LINGO2: variants seen among roughly 807,000 people sequenced by gnomAD.
The protein encoded by LINGO2 is leucine-rich repeat and immunoglobulin-like domain-containing nogo receptor-interacting protein 2.
In LINGO2, 14 loss-of-function variants were observed where a neutral mutation model predicts 30.6. That is an observed-to-expected ratio of 0.46 (90% CI 0.30 to 0.72). The LOEUF (loss-of-function observed/expected upper bound fraction) is 0.72. Ranked by LOEUF, LINGO2 falls within the 30% of genes least tolerant of loss-of-function variation. The probability of loss-of-function intolerance (pLI) is 0.07; values close to 1 mark genes in which losing one functional copy is unlikely to be tolerated. For synonymous variants in LINGO2, 317 were observed against 288.5 expected (o/e 1.10, Z -1.00); for missense variants, 729 against 751.7 (o/e 0.97, Z 0.35).
chr9:28,839,589 T>A, the LINGO2 span, among the ~76,000 whole-genome samples: 2 of 152,088 alleles, frequency 1.3e-5, no homozygotes. Context: ...GGTAGCTCCT[T>A]TCTGCAGGCT....
chr9:28,756,990 T>C, the LINGO2 span, among the ~76,000 whole-genome samples: 1 of 152,012 alleles, frequency 6.6e-6, no homozygotes, highest in Non-Finnish European at 1.5e-5. Flanking sequence ...GTGCAAACAA[T>C]AAAGTAATTT....
the LINGO2 span, among the ~76,000 whole-genome samples, chr9:29,041,370 A>T: frequency 6.6e-6 from 1 of 152,070 alleles, no homozygotes; most frequent in African/African-American, 2.4e-5. Context: ...TAGCCAGAAT[A>T]GCTAAAATAT....
intron 4 of LINGO2, among the ~76,000 whole-genome samples, chr9:28,035,468 C>T (rs1040464969): frequency 2.0e-5 from 3 of 152,118 alleles, no homozygotes; most frequent in African/African-American, 7.2e-5. Flanking sequence ...TTCTGGTATG[C>T]TACAGTATAT....
rs369468358 is a variant in LINGO2 at position 28,313,478 on chromosome 9, T to C, written c.-245-18112A>G. Among the ~76,000 whole-genome samples the C allele has an allele frequency of 1.6e-3, 251 of 152,324 alleles. 1 individual carries two copies. Among genetic ancestry groups the C allele is most frequent in the African/African-American group, 5.8e-3 (243 of 41,588 alleles). On this transcript the variant is annotated intron_variant, in intron 3 of 5. Coordinates refer to ENST00000379992, the Ensembl canonical transcript of LINGO2. ...TACAGGATTCATTAAATTTGGAAAA[T>C]AGTTGACTGTGCCCCTTTTTTAATC... is the stretch of plus-strand genomic sequence containing the variant.
chr9:28,246,562 G>A (rs1410237945), intron 4 of LINGO2, among the ~76,000 whole-genome samples: 1 of 152,138 alleles, frequency 6.6e-6, no homozygotes, highest in South Asian at 2.1e-4. Context: ...GCAGAAAATT[G>A]ACACTGGACC....
chr9:28,076,460 T>C (rs1347995215), intron 4 of LINGO2, among the ~76,000 whole-genome samples: 2 of 149,394 alleles, frequency 1.3e-5, no homozygotes, highest in Non-Finnish European at 3.0e-5. Context: ...AGCTTTTTTA[T>C]ATTTTACCTC....
intron 1 of LINGO2, among the ~76,000 whole-genome samples, chr9:28,622,302 C>G (rs984622681): frequency 7.4e-6 from 1 of 135,556 alleles, no homozygotes; most frequent in Admixed American, 7.5e-5. Flanking sequence ...TCCTAATCCC[C>G]CAATACCCTC....
chr9:28,544,971 G>A lies in LINGO2; in HGVS notation c.-364-68946C>T, dbSNP rs140835591. 9.1e-3 allele frequency among the ~76,000 whole-genome samples: 1,378 copies of A among 151,598 alleles called. 10 individuals are homozygous for A. The highest frequency in any genetic ancestry group is 0.017 in the Middle Eastern group (5 of 288). The stretch of plus-strand genomic sequence containing the variant: ...TATCTATAGATTACTTATTTTGGAA[G>A]AGGTACTATGTTAATTATGTTATAT... On this transcript the variant is annotated intron_variant, in intron 1 of 5. Coordinates refer to ENST00000379992, the Ensembl canonical transcript of LINGO2.
At chr9:29,008,899 A>C in the LINGO2 span, among the ~76,000 whole-genome samples, 1 of 152,194 alleles carries the variant, frequency 6.6e-6, no homozygotes. Context: ...CAATAAACGT[A>C]ATCCAGCATA....
intron 3 of LINGO2, among the ~76,000 whole-genome samples, chr9:28,353,671 A>G (rs908789846): frequency 3.3e-5 from 5 of 152,194 alleles, no homozygotes; most frequent in African/African-American, 1.2e-4. Flanking sequence ...CCAGAGGACT[A>G]TAAATCATGC....
At chr9:28,743,791 T>C in the LINGO2 span, among the ~76,000 whole-genome samples, 9 of 152,032 alleles carry the variant, frequency 5.9e-5, no homozygotes, top group African/African-American at 2.2e-4. Flanking sequence ...TATCTGCCTA[T>C]GGATCTCTTT....
rs1189640658 is a variant in LINGO2, at chr9:28,226,663, G to C, written c.-87+68545C>G. Among the ~76,000 whole-genome samples, 15 of 90,022 alleles carry C rather than the reference G, an allele frequency of 1.7e-4. 1 individual carries two copies. The highest frequency in any genetic ancestry group is 8.5e-4 in the African/African-American group (14 of 16,564). 59.1% of individuals were successfully genotyped at this position (90,022 alleles called of 152,430 possible). ...AGAAGGAAAGAAAGAAAGAAAGAAA[G>C]AAAGAAAGAAAGAAAGAAAGAAAGA... On this transcript the variant is annotated intron_variant, in intron 4 of 5. Transcript: ENST00000379992.
At chr9:29,137,885 T>C in the LINGO2 span, among the ~76,000 whole-genome samples, 8 of 152,098 alleles carry the variant, frequency 5.3e-5, no homozygotes, top group Non-Finnish European at 8.8e-5. Context: ...TTCTGATCTG[T>C]AAAATGGAGA....
intron 3 of LINGO2, among the ~76,000 whole-genome samples, chr9:28,302,127 T>C (rs1429222517): frequency 6.6e-6 from 1 of 152,090 alleles, no homozygotes; most frequent in Non-Finnish European, 1.5e-5. Context: ...AAAAACACAG[T>C]AAATACACAG....
intron 5 of LINGO2, among the ~76,000 whole-genome samples, chr9:28,000,310 A>T (rs923240424): frequency 1.3e-5 from 2 of 152,174 alleles, no homozygotes; most frequent in Non-Finnish European, 2.9e-5. Flanking sequence ...CTTTACTGGG[A>T]AGACTTCAGA....
intron 1 of LINGO2, among the ~76,000 whole-genome samples, chr9:28,479,367 A>T (rs2135209267): frequency 6.6e-6 from 1 of 152,060 alleles, no homozygotes; most frequent in East Asian, 1.9e-4. Flanking sequence ...AGAACATAGG[A>T]ACTAGCTTTG....
intron 3 of LINGO2, among the ~76,000 whole-genome samples, chr9:28,354,008 T>A (rs1466848052): frequency 6.6e-6 from 1 of 151,460 alleles, no homozygotes; most frequent in Admixed American, 6.6e-5. Flanking sequence ...TGTTGTGGGG[T>A]GGGTGAGGGG....
the LINGO2 span, among the ~76,000 whole-genome samples, chr9:28,882,670 C>G: frequency 6.6e-6 from 1 of 152,130 alleles, no homozygotes; most frequent in Non-Finnish European, 1.5e-5. Context: ...TCTCTACAGT[C>G]TTGGTTGTCT....
chr9:29,179,746 C>A, the LINGO2 span, among the ~76,000 whole-genome samples: 2 of 152,206 alleles, frequency 1.3e-5, no homozygotes, highest in Admixed American at 1.3e-4. Flanking sequence ...GCTATTAATT[C>A]CCTAATATAT....
Sources: gnomAD v4.1 joint callset for allele counts (sites outside exome capture counted in the v4.1 genomes callset) on GRCh38, gnomAD v4.1.1 for gene constraint, MANE v1.5 for transcripts, NCBI Gene and HGNC (gene_info 2026-07-23, HGNC 2026-07-21) for gene names.